GRM5: variants seen among roughly 807,000 people sequenced by gnomAD.
GRM5 encodes glutamate metabotropic receptor 5, also known as metabotropic glutamate receptor 5.
A neutral mutation model predicts 83.1 loss-of-function variants in GRM5; 19 were observed. The observed-to-expected ratio is 0.23, with a 90% CI of 0.16 to 0.34. The LOEUF is 0.34. Ranked by LOEUF, GRM5 falls within the 10% of genes least tolerant of loss-of-function variation. The pLI is 1.00. For synonymous variants in GRM5, 675 were observed against 633.6 expected (o/e 1.07, Z -0.98); for missense variants, 1,160 against 1,588.3 (o/e 0.73, Z 4.58).
intron 2 of GRM5, among the ~76,000 whole-genome samples, chr11:88,872,980 T>G (rs1944795327): frequency 6.8e-6 from 1 of 147,238 alleles, no homozygotes; most frequent in Non-Finnish European, 1.5e-5. Flanking sequence ...ATTTCATCTA[T>G]AAAGATACAC....
chr11:88,705,994 A>G (rs1009051121), intron 3 of GRM5, among the ~76,000 whole-genome samples: 7 of 152,048 alleles, frequency 4.6e-5, no homozygotes, highest in Non-Finnish European at 7.4e-5. Context: ...GATTATCACT[A>G]TTCTCCATTG....
chr11:88,626,253 T>C (rs1429340851), intron 4 of GRM5, among the ~76,000 whole-genome samples: 2 of 152,206 alleles, frequency 1.3e-5, no homozygotes, highest in Non-Finnish European at 2.9e-5. Context: ...ATAAGAGGTT[T>C]TAGACCATAA....
intron 4 of GRM5, among the ~76,000 whole-genome samples, chr11:88,630,986 G>A (rs766334415): frequency 1.2e-4 from 18 of 152,186 alleles, no homozygotes; most frequent in African/African-American, 2.4e-4. Context: ...TGGGGACAGC[G>A]GTTTCTTTAT....
intron 8 of GRM5, among the ~76,000 whole-genome samples, chr11:88,561,843 A>G (rs1942763366): frequency 6.6e-6 from 1 of 152,068 alleles, no homozygotes; most frequent in South Asian, 2.1e-4. Context: ...GCCCTTTTCT[A>G]TTTGTGCTCT....
chr11:88,508,716 G>A lies in GRM5; in HGVS notation c.3515C>T (p.Ser1172Leu), dbSNP rs765131988. The A allele has an allele frequency of 1.4e-5, 23 of 1,598,790 alleles. No individual in the cohort carries two copies. The highest frequency in any genetic ancestry group is 1.9e-5 in the Non-Finnish European group (22 of 1,173,406). The change falls in exon 10 of 10, where the codon TCG becomes TTG. Residue 1172 changes from serine to leucine, a missense_variant. This residue lies in a region of GRM5 where 562 missense variants were observed against 532.4 expected (regional missense o/e 1.06). Coordinates refer to ENST00000305447, the MANE Select transcript of GRM5 (RefSeq NM_001143831.3). The surrounding 1 kb of genome is among the most constrained non-coding windows in gnomAD (Gnocchi z 4.2). ...ALTPPSPFRD[S>L]VDSGSTTPNS... ...GGGGGTTGTGCTCCCCGAGTCCACC[G>A]AGTCTCTGAAGGGGGACGGCGGGGT... is the stretch of plus-strand genomic sequence containing the variant.
chr11:88,837,046 T>C (rs1352296113), intron 3 of GRM5, among the ~76,000 whole-genome samples: 1 of 152,228 alleles, frequency 6.6e-6, no homozygotes, highest in Admixed American at 6.5e-5. Context: ...GAATAGTCCA[T>C]CTAATTATTA....
intron 6 of GRM5, among the ~76,000 whole-genome samples, chr11:88,593,757 C>T (rs1381830088): frequency 1.5e-5 from 2 of 132,050 alleles, no homozygotes; most frequent in African/African-American, 5.7e-5. Context: ...TCGCTCCCTC[C>T]CTCCTTCTCT....
At chr11:88,560,851 C>T (rs1175681406) in intron 8 of GRM5, among the ~76,000 whole-genome samples, 1 of 152,174 alleles carries the variant, frequency 6.6e-6, no homozygotes, top group Non-Finnish European at 1.5e-5. Flanking sequence ...TGGTATTGCT[C>T]AGTCCTCAGT....
At chr11:88,668,295 T>TCA (rs201662394) in intron 3 of GRM5, among the ~76,000 whole-genome samples, 2,337 of 81,720 alleles carry the variant, frequency 0.029, 48 homozygotes, top group Middle Eastern at 0.095. Context: ...CCCCAGAAAC[T>TCA]CGCACACACA....
chr11:89,065,521 C>T (rs1162568185), intron 1 of GRM5, among the ~76,000 whole-genome samples: 1 of 152,116 alleles, frequency 6.6e-6, no homozygotes, highest in Non-Finnish European at 1.5e-5. Context: ...AGCCCAGGCT[C>T]CTGACTTAAA....
At chr11:88,979,813 C>T (rs1223504810) in intron 2 of GRM5, among the ~76,000 whole-genome samples, 2 of 151,986 alleles carry the variant, frequency 1.3e-5, no homozygotes. Context: ...GGGGCTTGAG[C>T]CGAAATCAAT....
At chr11:88,540,456 C>T (rs1443855412) in intron 8 of GRM5, among the ~76,000 whole-genome samples, 1 of 152,102 alleles carries the variant, frequency 6.6e-6, no homozygotes, top group African/African-American at 2.4e-5. Context: ...TGCCTATATA[C>T]ATGCGAGGGG....
chr11:88,820,523 C>T (rs1014759860), intron 3 of GRM5, among the ~76,000 whole-genome samples: 5 of 152,068 alleles, frequency 3.3e-5, no homozygotes, highest in African/African-American at 1.2e-4. Context: ...GATAAAAGCA[C>T]TTTATAATTT....
chr11:88,961,339 G>A (rs1252391931), intron 2 of GRM5, among the ~76,000 whole-genome samples: 1 of 151,216 alleles, frequency 6.6e-6, no homozygotes, highest in Non-Finnish European at 1.5e-5. Context: ...CAGCCAAGTT[G>A]TCCTCAGTAA....
rs747882335 is a variant in GRM5, at chr11:88,850,110, G to A, written c.707C>T (p.Ala236Val). The A allele has an allele frequency of 1.2e-5, 17 of 1,371,222 alleles. No homozygotes were observed. The highest frequency in any genetic ancestry group is 1.7e-5 in the Non-Finnish European group (16 of 958,742). 84.9% of individuals were successfully genotyped at this position (1,371,222 alleles called of 1,614,324 possible). Residue 236 changes from alanine to valine, a missense_variant, in exon 3 of 10, where the codon GCG (alanine) becomes GTG (valine). Around this residue, in one of 9 missense-constraint regions of GRM5, gnomAD observed 84 missense variants for 231.0 expected, o/e 0.36. Transcript: ENST00000305447. ...SGMEAFKDMSAKEGICIAHSY... is the reference protein window; with the variant it reads ...SGMEAFKDMSVKEGICIAHSY... The stretch of plus-strand genomic sequence containing the variant: ...GTGGGCGATGCAAATCCCTTCCTTC[G>A]CTGACATATCTTTGAAGGCTTCCAT...
At chr11:88,766,602 C>T (rs1942628764) in intron 3 of GRM5, among the ~76,000 whole-genome samples, 1 of 151,910 alleles carries the variant, frequency 6.6e-6, no homozygotes, top group South Asian at 2.1e-4. Flanking sequence ...TATAAAAATC[C>T]TGGAAGATAA....
chr11:88,719,248 T>C (rs957361155), intron 3 of GRM5, among the ~76,000 whole-genome samples: 1 of 152,022 alleles, frequency 6.6e-6, no homozygotes, highest in Non-Finnish European at 1.5e-5. Flanking sequence ...ACCCAGTGTA[T>C]GTTGTTCCCT....
chr11:88,994,486 T>TATATATATATA (rs1940109460), intron 2 of GRM5, among the ~76,000 whole-genome samples: 1 of 126,244 alleles, frequency 7.9e-6, no homozygotes, highest in Non-Finnish European at 1.7e-5. Flanking sequence ...TATATATATA[T>TATATATATATA]TACAATTGCT....
At chr11:88,987,291 G>C (rs566826041) in intron 2 of GRM5, among the ~76,000 whole-genome samples, 4 of 151,978 alleles carry the variant, frequency 2.6e-5, no homozygotes, top group Non-Finnish European at 5.9e-5. Context: ...CAAATACTGC[G>C]CTTTTCCGAC....
Sources: gnomAD v4.1 joint callset for allele counts (sites outside exome capture counted in the v4.1 genomes callset) on GRCh38, gnomAD v4.1.1 for gene constraint, gnomAD v4.1.1 regional missense constraint, Gnocchi (gnomAD v3.1) non-coding constraint, MANE v1.5 for transcripts, NCBI Gene and HGNC (gene_info 2026-07-23, HGNC 2026-07-21) for gene names.